The following CEP112 variants were observed in gnomAD, a reference collection of about 807,000 sequenced individuals.
CEP112 encodes centrosomal protein of 112 kDa.
A neutral mutation model predicts 153.0 loss-of-function variants in CEP112; 127 were observed. The ratio of observed to expected loss-of-function variants is 0.83; its 90% CI spans 0.72 to 0.96. The LOEUF (loss-of-function observed/expected upper bound fraction) is 0.96, where lower values mean the gene tolerates loss of function less well. CEP112 is among the 40% of genes least tolerant of loss of function. The probability of loss-of-function intolerance (pLI) is 0.00; values close to 1 mark genes in which losing one functional copy is unlikely to be tolerated. For synonymous variants in CEP112, 358 were observed against 374.4 expected, an observed-to-expected ratio of 0.96 and a Z score of 0.51; for missense variants, 1,089 against 1,101.2, an observed-to-expected ratio of 0.99 and a Z score of 0.16.
At chr17:65,742,950 G>A in intron 23 of CEP112, 118 bp downstream of exon 23, 1 of 718,870 alleles carries the variant, frequency 1.4e-6, no homozygotes, top group Non-Finnish European at 2.2e-6. Flanking sequence ...TGGAATTACT[G>A]CAGGCTGTGT....
chr17:65,764,266 C>A (rs2052799117), intron 21 of CEP112, among the ~76,000 whole-genome samples: 1 of 152,158 alleles, frequency 6.6e-6, no homozygotes, highest in Admixed American at 6.5e-5. Context: ...TTATATATAG[C>A]CCATTTTGTC....
At chr17:66,173,114 T>C (rs1372663012) in intron 4 of CEP112, among the ~76,000 whole-genome samples, 4 of 152,122 alleles carry the variant, frequency 2.6e-5, no homozygotes, top group Admixed American at 2.0e-4. Flanking sequence ...TTTCACTTGA[T>C]AGAACATAAA....
intron 21 of CEP112, among the ~76,000 whole-genome samples, chr17:65,800,704 G>A (rs554512083): frequency 8.5e-5 from 13 of 152,134 alleles, no homozygotes; most frequent in Non-Finnish European, 1.8e-4. Context: ...TAAAGTGGTT[G>A]GGCTGTTTTA....
intron 8 of CEP112, among the ~76,000 whole-genome samples, chr17:66,078,844 G>C (rs901780983): frequency 1.3e-5 from 2 of 152,010 alleles, no homozygotes; most frequent in Non-Finnish European, 2.9e-5. Context: ...CTCAGCATTT[G>C]TTTGTCTGAA....
chr17:65,916,000 C>T (rs2060465840), intron 19 of CEP112, among the ~76,000 whole-genome samples: 1 of 152,080 alleles, frequency 6.6e-6, no homozygotes, highest in South Asian at 2.1e-4. Flanking sequence ...CTGTTGCAAC[C>T]ATCCACCTGG....
intron 17 of CEP112, among the ~76,000 whole-genome samples, chr17:65,971,595 GCATATT>G (rs1276738336): frequency 1.8e-5 from 1 of 57,120 alleles, no homozygotes; most frequent in African/African-American, 4.2e-5. Context: ...TTACATGCAT[GCATATT>G]GTGTGCATAT....
intron 16 of CEP112, among the ~76,000 whole-genome samples, chr17:66,009,232 T>TG (rs1568372555): frequency 7.3e-6 from 1 of 137,276 alleles, no homozygotes; most frequent in African/African-American, 2.7e-5. Flanking sequence ...TGTGTGTGTG[T>TG]TAGCAAAAGC....
At chr17:66,059,967 T>C (rs1211872593) in intron 11 of CEP112, among the ~76,000 whole-genome samples, 3 of 151,650 alleles carry the variant, frequency 2.0e-5, no homozygotes, top group African/African-American at 4.8e-5. Context: ...TAGATGGCCA[T>C]AAAAAAATGA....
chr17:66,032,329 G>A (rs371804969), intron 12 of CEP112, among the ~76,000 whole-genome samples: 1 of 144,996 alleles, frequency 6.9e-6, no homozygotes, highest in East Asian at 2.0e-4. Context: ...GCATTCACAG[G>A]GCAGGAAGCC....
chr17:66,011,088 T>C (rs527325995), intron 16 of CEP112, among the ~76,000 whole-genome samples: 12 of 152,286 alleles, frequency 7.9e-5, no homozygotes, highest in African/African-American at 2.9e-4. Context: ...CCTCTGGTCC[T>C]GGGGTTTTTT....
chr17:65,877,186 T>G lies in CEP112; in HGVS notation c.2163+24966A>C, dbSNP rs112775271. Among the ~76,000 whole-genome samples the G allele has an allele frequency of 7.6e-3, 1,154 of 152,328 alleles. 17 individuals carry two copies. Among genetic ancestry groups the G allele is most frequent in the African/African-American group, 0.026 (1,091 of 41,576 alleles). ...TCAAATCTAATCCAGTTTTCCCACC[T>G]TGGGCTTTCTCCAAACCCAGGGAAG... is the stretch of plus-strand genomic sequence containing the variant. On this transcript the variant is annotated intron_variant, in intron 20 of 26. Transcript: ENST00000535342.
At chr17:65,855,318 C>G (rs1255344417) in intron 20 of CEP112, among the ~76,000 whole-genome samples, 2 of 152,074 alleles carry the variant, frequency 1.3e-5, no homozygotes. Context: ...CAGTCAATAC[C>G]AAGGAAAGCA....
intron 23 of CEP112, among the ~76,000 whole-genome samples, chr17:65,720,666 G>A (rs2049817775): frequency 1.3e-5 from 2 of 152,160 alleles, no homozygotes. Context: ...AGGGAAACGG[G>A]ATTAAGATAG....
intron 21 of CEP112, among the ~76,000 whole-genome samples, chr17:65,791,021 T>C (rs990291002): frequency 6.8e-6 from 1 of 147,270 alleles, no homozygotes; most frequent in Non-Finnish European, 1.5e-5. Flanking sequence ...TTACACTTTA[T>C]TTTGATCCCA....
intron 21 of CEP112, among the ~76,000 whole-genome samples, chr17:65,825,908 G>A (rs569672943): frequency 6.6e-6 from 1 of 152,042 alleles, no homozygotes; most frequent in Non-Finnish European, 1.5e-5. Context: ...TCTGCCTGTT[G>A]CCCCCAGATG....
intron 8 of CEP112, among the ~76,000 whole-genome samples, chr17:66,084,239 G>A (rs2067832460): frequency 6.6e-6 from 1 of 152,060 alleles, no homozygotes; most frequent in Admixed American, 6.6e-5. Flanking sequence ...CAACCACAAT[G>A]GAAAACAGTT....
intron 22 of CEP112, among the ~76,000 whole-genome samples, chr17:65,750,324 A>G (rs1268337260): frequency 6.6e-6 from 1 of 152,270 alleles, no homozygotes; most frequent in African/African-American, 2.4e-5. Flanking sequence ...TTACATCACA[A>G]ATGTAGGTGT....
At chr17:66,129,010 A>G (rs2069997209) in intron 6 of CEP112, among the ~76,000 whole-genome samples, 1 of 152,180 alleles carries the variant, frequency 6.6e-6, no homozygotes, top group South Asian at 2.1e-4. Flanking sequence ...TTATAATAAA[A>G]CATATTCTAA....
intron 23 of CEP112, among the ~76,000 whole-genome samples, chr17:65,735,975 T>A (rs1403516011): frequency 6.6e-6 from 1 of 152,162 alleles, no homozygotes; most frequent in African/African-American, 2.4e-5. Context: ...CATTGATGAA[T>A]TTTAAGAAAA....
Sources: gnomAD v4.1 joint callset for allele counts (sites outside exome capture counted in the v4.1 genomes callset) on GRCh38, gnomAD v4.1.1 for gene constraint, MANE v1.5 for transcripts, NCBI Gene and HGNC (gene_info 2026-07-23, HGNC 2026-07-21) for gene names.